Variants in DHX58 observed in about 807,000 individuals in gnomAD.
DHX58 encodes the protein DExH-box helicase 58.
DHX58 carries 51 observed loss-of-function variants against 65.0 expected under a neutral mutation model. The ratio of observed to expected loss-of-function variants is 0.78; its 90% CI spans 0.63 to 0.99. The LOEUF (loss-of-function observed/expected upper bound fraction) is 0.99. DHX58 is among the 50% of genes least tolerant of loss of function. The probability of loss-of-function intolerance (pLI) is 0.00; values close to 1 mark genes in which losing one functional copy is unlikely to be tolerated. For synonymous variants in DHX58, 350 were observed against 365.0 expected (o/e 0.96, Z 0.47); for missense variants, 773 against 891.8 (o/e 0.87, Z 1.70).
intron 4 of DHX58, 26 bp downstream of exon 4, chr17:42,111,270 T>A: frequency 6.2e-7 from 1 of 1,601,816 alleles, no homozygotes; most frequent in Non-Finnish European, 8.5e-7. Flanking sequence ...GATGCGTATC[T>A]TTTTCCTCCC....
chr17:42,109,232 C>T lies in DHX58; in HGVS notation c.678+38G>A, dbSNP rs184018730. ...CAAGCCTAGGTGTCCTAACTTCACA[C>T]CGGCTCCCGCTCTCGCCGTGTCCCT... On this transcript the variant is annotated intron_variant, in intron 6 of 13. Coordinates refer to ENST00000251642, the MANE Select transcript of DHX58 (RefSeq NM_024119.3). The T allele has an allele frequency of 1.3e-5, 21 of 1,574,652 alleles. No homozygotes were observed. The African/African-American group carries it at 1.6e-4, about 12-fold the overall frequency.
intron 3 of DHX58, 78 bp from the exon 4 acceptor site, chr17:42,111,575 G>A: frequency 6.3e-7 from 1 of 1,591,120 alleles, no homozygotes; most frequent in Non-Finnish European, 8.6e-7. Flanking sequence ...TGACCCGCAG[G>A]ACATGGCTGG....
At chr17:42,107,936 A>G (rs1555663170) in intron 7 of DHX58, 46 bp downstream of exon 7, 3 of 1,611,988 alleles carry the variant, frequency 1.9e-6, no homozygotes, top group African/African-American at 2.7e-5. Flanking sequence ...CCCGCCCCTG[A>G]CCACTCCCAC....
rs781864590 is a variant in DHX58, at chr17:42,103,702, G to A, written c.1660C>T (p.Leu554=). ...RQQFPVEHVQ[L]LCINCMVAVG... is the part of the protein sequence containing the mutation. ...GCCACCATGCAGTTGATGCAGAGTA[G>A]CTGCACGTGCTCCACTGGGAACTGC... The change falls in exon 12 of 14, where the codon CTA becomes TTA. Residue 554 remains leucine (L), a synonymous_variant. Transcript: ENST00000251642. The A allele has an allele frequency of 6.2e-6, 10 of 1,613,868 alleles. No individual in the cohort carries two copies. The South Asian group carries it at 9.9e-5, about 16-fold the overall frequency.
intron 3 of DHX58, 36 bp downstream of exon 3, chr17:42,111,689 G>T (rs1555664324): frequency 6.3e-7 from 1 of 1,586,338 alleles, no homozygotes; most frequent in Admixed American, 1.7e-5. Context: ...GACCCTGCTT[G>T]GTGGTGGGAG....
intron 6 of DHX58, among the ~76,000 whole-genome samples, chr17:42,108,346 T>C (rs1464966406): frequency 1.3e-5 from 2 of 152,168 alleles, no homozygotes; most frequent in Admixed American, 6.5e-5. Flanking sequence ...CACATGGACG[T>C]GCTTTGGTCA....
chr17:42,111,166 G>T, intron 4 of DHX58, 130 bp downstream of exon 4: 1 of 1,189,868 alleles, frequency 8.4e-7, no homozygotes, highest in East Asian at 2.5e-5. Context: ...GTGCCTGCAG[G>T]GGTTTTGTGA....
In DHX58 at chr17:42,101,949, G is replaced by A; in HGVS notation, c.1852-3C>T. 6.2e-7 allele frequency: 1 copy of A among 1,607,188 alleles called. No homozygotes were observed. The highest frequency in any genetic ancestry group is 1.7e-5 in the Admixed American group (1 of 58,660). ...TAGATCATCTGCAGACCCCAGACCT[G>A]GAGGTGAGACAGAGAGGGTAGGGTC... On this transcript the variant is annotated splice_region_variant and splice_polypyrimidine_tract_variant and intron_variant, in intron 13 of 13. Coordinates refer to ENST00000251642, the MANE Select transcript of DHX58 (RefSeq NM_024119.3).
Position 42,108,040 on chromosome 17 carries a change from C to T in DHX58, c.747G>A (p.Leu249=). ...QIHDHLEMPE[L]SRKFGTQMYE... The stretch of plus-strand genomic sequence containing the variant: ...ACATTTGCGTCCCAAATTTCCGGCT[C>T]AACTCAGGCATCTCCAGGTGGTCAT... Residue 249 remains leucine (L), a synonymous_variant, in exon 7 of 14, where the codon TTG becomes TTA. Transcript: ENST00000251642. The T allele has an allele frequency of 6.2e-7, 1 of 1,614,264 alleles. No homozygotes were observed. Among genetic ancestry groups the T allele is most frequent in the Non-Finnish European group, 8.5e-7 (1 of 1,180,046 alleles).
chr17:42,105,574 G>A (rs571977652), intron 9 of DHX58, among the ~76,000 whole-genome samples, 162 bp downstream of exon 9: 8 of 152,084 alleles, frequency 5.3e-5, no homozygotes, highest in African/African-American at 1.2e-4. Flanking sequence ...GTCAGTGTCC[G>A]CCCCTCTCCC....
chr17:42,111,818 G>A lies in DHX58; in HGVS notation c.75C>T (p.Pro25=). 1 of 1,614,104 alleles carries A rather than the reference G, an allele frequency of 6.2e-7. No homozygotes were observed. Among genetic ancestry groups the A allele is most frequent in the Non-Finnish European group, 8.5e-7 (1 of 1,179,976 alleles). The change falls in exon 3 of 14, where the codon CCC becomes CCT. Residue 25 remains proline (P), a synonymous_variant. Coordinates refer to ENST00000251642, the MANE Select transcript of DHX58 (RefSeq NM_024119.3). ...LEGKNIIIWL[P]TGAGKTRAAA... ...CCGCCCGGGTCTTCCCGGCACCCGTGGGCAGCCAGATGATGATATTCTTGC... is the reference window on the plus strand; with the variant it reads ...CCGCCCGGGTCTTCCCGGCACCCGTAGGCAGCCAGATGATGATATTCTTGC...
chr17:42,102,004 T>G, intron 13 of DHX58, 58 bp from the exon 14 acceptor site: 1 of 1,536,430 alleles, frequency 6.5e-7, no homozygotes. Context: ...TGGGCTTCTC[T>G]CCTCAAGTTG....
rs782019652 is a variant in DHX58 at position 42,107,759 on chromosome 17, G to C, written c.842C>G (p.Ala281Gly). 8 of 1,594,418 alleles carry C rather than the reference G, an allele frequency of 5.0e-6. No individual in the cohort carries two copies. The South Asian group carries it at 7.9e-5, about 16-fold the overall frequency. ...LAGLQEQRVY[A>G]LHLRRYNDAL... ...GTCATTGTAGCGCCTCAGGTGAAGCGCATACACCCGTTGCTCCTGAAGCCC... is the reference window on the plus strand; with the variant it reads ...GTCATTGTAGCGCCTCAGGTGAAGCCCATACACCCGTTGCTCCTGAAGCCC... The change falls in exon 8 of 14, where the codon GCG (alanine) becomes GGG (glycine). Residue 281 changes from alanine to glycine, a missense_variant. Ala to Gly is a moderately conservative substitution (Grantham distance 60). Transcript: ENST00000251642.
intron 5 of DHX58, among the ~76,000 whole-genome samples, chr17:42,109,664 G>T (rs2054118184): frequency 6.6e-6 from 1 of 152,194 alleles, no homozygotes; most frequent in Non-Finnish European, 1.5e-5. Flanking sequence ...GGGAGGCCAA[G>T]GCGGGCGGGT....
rs1555662208 is a variant in DHX58, at chr17:42,104,749, G to A, written c.1563+17C>T. The A allele has an allele frequency of 3.7e-6, 6 of 1,612,732 alleles. No individual in the cohort carries two copies. Among genetic ancestry groups the A allele is most frequent in the Non-Finnish European group, 4.2e-6 (5 of 1,179,654 alleles). On this transcript the variant is annotated intron_variant, in intron 11 of 13. Transcript: ENST00000251642. ...CCTCCCCATCCCTCCCACAGGGCAT[G>A]CAGGCTGCCTGCAGACCTTGGCCTG...
rs140055411 is a variant in DHX58, at chr17:42,107,720, T to C, written c.881A>G (p.His294Arg). 2.2e-5 allele frequency: 36 copies of C among 1,609,812 alleles called. No homozygotes were observed. In the African/African-American group the frequency reaches 3.7e-4, roughly 17 times the overall value. ...GGCATCCACGGCGCGGACGGTGTCA[T>C]GGATGAGCAGCGCGTCATTGTAGCG... The part of the protein sequence containing the change: ...LRRYNDALLI[H>R]DTVRAVDALA... Residue 294 changes from histidine (H) to arginine (R), a missense_variant, in exon 8 of 14, where the codon CAT (histidine) becomes CGT (arginine). By Grantham distance (29) the His-to-Arg change is conservative. Transcript: ENST00000251642.
chr17:42,102,369 C>A, intron 12 of DHX58, 57 bp from the exon 13 acceptor site: 1 of 1,487,846 alleles, frequency 6.7e-7, no homozygotes, highest in Non-Finnish European at 9.4e-7. Context: ...CCCCGGATCT[C>A]ATGCCCTCCT....
Position 42,111,810 on chromosome 17 carries a change from G to A in DHX58, c.83C>T (p.Ala28Val). 6.2e-7 allele frequency: 1 copy of A among 1,614,084 alleles called. No homozygotes were observed. The highest frequency in any genetic ancestry group is 8.5e-7 in the Non-Finnish European group (1 of 1,179,958). ...ATAAGCAGCCGCCCGGGTCTTCCCG[G>A]CACCCGTGGGCAGCCAGATGATGAT... is the stretch of plus-strand genomic sequence containing the variant. ...KNIIIWLPTG[A>V]GKTRAAAYVA... The change falls in exon 3 of 14, where the codon GCC (alanine) becomes GTC (valine). Residue 28 changes from alanine (A) to valine (V), a missense_variant. By Grantham distance (64) the Ala-to-Val change is moderately conservative. Coordinates refer to ENST00000251642, the MANE Select transcript of DHX58 (RefSeq NM_024119.3).
rs1174488885 is a variant in DHX58, at chr17:42,101,953, G to T, written c.1852-7C>A. 4.4e-6 allele frequency: 7 copies of T among 1,604,866 alleles called. No homozygotes were observed. The Admixed American group carries it at 1.0e-4, about 24-fold the overall frequency. ...TCATCTGCAGACCCCAGACCTGGAG[G>T]TGAGACAGAGAGGGTAGGGTCTGGG... On this transcript the variant is annotated splice_region_variant and splice_polypyrimidine_tract_variant and intron_variant, in intron 13 of 13. Transcript: ENST00000251642.
Sources: allele counts gnomAD v4.1 joint callset (sites outside exome capture counted in the v4.1 genomes callset), GRCh38; gene constraint gnomAD v4.1.1; transcripts MANE v1.5; gene names NCBI Gene and HGNC (gene_info 2026-07-23, HGNC 2026-07-21).